The following SRPK2 variants were observed in gnomAD, a reference collection of about 807,000 sequenced individuals.
SRPK2 encodes SRSF protein kinase 2, also known as SFRS protein kinase 2.
SRPK2 carries 21 observed loss-of-function variants against 90.8 expected under a neutral mutation model. That is an observed-to-expected ratio of 0.23 (90% CI 0.16 to 0.33). The LOEUF is 0.33. Ranked by LOEUF, SRPK2 falls within the 10% of genes least tolerant of loss-of-function variation. The probability of loss-of-function intolerance (pLI) is 1.00; values close to 1 mark genes in which losing one functional copy is unlikely to be tolerated. For missense variants in SRPK2, 620 were observed against 869.0 expected (o/e 0.71, Z 3.60); for synonymous variants, 288 against 311.1 (o/e 0.93, Z 0.78).
intron 2 of SRPK2, among the ~76,000 whole-genome samples, chr7:105,331,326 A>AAAAAAAC: frequency 2.1e-5 from 3 of 144,438 alleles, no homozygotes; most frequent in Non-Finnish European, 4.6e-5. Context: ...AAAAAAAAAA[A>AAAAAAAC]AAAAAAAAAA....
intron 2 of SRPK2, among the ~76,000 whole-genome samples, chr7:105,339,692 T>C (rs181654721): frequency 1.6e-4 from 24 of 152,276 alleles, no homozygotes; most frequent in African/African-American, 5.8e-4. Flanking sequence ...AGGATCCTGG[T>C]CCTAATTCAT....
chr7:105,137,872 T>C (rs1803111273), intron 11 of SRPK2, among the ~76,000 whole-genome samples: 1 of 152,164 alleles, frequency 6.6e-6, no homozygotes, highest in Non-Finnish European at 1.5e-5. Context: ...CGAAGTACCG[T>C]GTGGTCAAGT....
intron 2 of SRPK2, among the ~76,000 whole-genome samples, chr7:105,260,178 A>G (rs557137934): frequency 3.3e-5 from 5 of 152,338 alleles, no homozygotes; most frequent in African/African-American, 1.2e-4. Flanking sequence ...AAGAACTTAA[A>G]CCAATTTACA....
chr7:105,182,108 G>T (rs1193744804), intron 3 of SRPK2, among the ~76,000 whole-genome samples: 1 of 151,286 alleles, frequency 6.6e-6, no homozygotes, highest in African/African-American at 2.4e-5. Flanking sequence ...GCAGGCACCT[G>T]TAATCCCAGC....
chr7:105,346,943 T>C (rs921903987), intron 2 of SRPK2, among the ~76,000 whole-genome samples: 9 of 150,242 alleles, frequency 6.0e-5, no homozygotes, highest in Non-Finnish European at 1.0e-4. Flanking sequence ...TCCCTGAAAA[T>C]CAAGGACTTA....
upstream of SRPK2, chr7:105,389,510 G>C: frequency 1.2e-6 from 1 of 861,076 alleles, no homozygotes; most frequent in Non-Finnish European, 1.5e-6. Flanking sequence ...GATTGCATGA[G>C]TTTAATGAAG....
intron 2 of SRPK2, among the ~76,000 whole-genome samples, chr7:105,342,014 A>C (rs1420218439): frequency 6.6e-6 from 1 of 152,022 alleles, no homozygotes; most frequent in Non-Finnish European, 1.5e-5. Context: ...CTGTAATCCC[A>C]GCACTTGGGG....
chr7:105,229,781 C>G (rs1799198319), intron 2 of SRPK2, among the ~76,000 whole-genome samples: 1 of 142,814 alleles, frequency 7.0e-6, no homozygotes, highest in South Asian at 2.2e-4. Flanking sequence ...AGAACTTGCA[C>G]TGCTGTGTTC....
At chr7:105,390,413 G>A (rs1287199940), upstream of SRPK2, among the ~76,000 whole-genome samples, 1 of 151,668 alleles carries the variant, frequency 6.6e-6, no homozygotes, top group Non-Finnish European at 1.5e-5. Context: ...TTGGTTTTGT[G>A]TTTTGGTTTT....
chr7:105,194,489 A>G (rs760330912), intron 3 of SRPK2, among the ~76,000 whole-genome samples: 3 of 152,202 alleles, frequency 2.0e-5, no homozygotes, highest in Non-Finnish European at 2.9e-5. Context: ...ACACTAATAA[A>G]TAAGCAAACA....
At chr7:105,242,530 AAAAAGC>A (rs1211324313) in intron 2 of SRPK2, among the ~76,000 whole-genome samples, 1 of 152,150 alleles carries the variant, frequency 6.6e-6, no homozygotes, top group African/African-American at 2.4e-5. Flanking sequence ...ATAAATAAAT[AAAAAGC>A]AGCTGGAAAT....
intron 6 of SRPK2, among the ~76,000 whole-genome samples, chr7:105,165,005 G>A (rs1789852420): frequency 1.3e-5 from 2 of 152,104 alleles, no homozygotes; most frequent in African/African-American, 2.4e-5. Flanking sequence ...GCCTACTCCA[G>A]GCACACAAAG....
intron 2 of SRPK2, among the ~76,000 whole-genome samples, chr7:105,353,687 C>T (rs1369463244): frequency 6.6e-6 from 1 of 152,046 alleles, no homozygotes; most frequent in African/African-American, 2.4e-5. Flanking sequence ...CCTGAATGCC[C>T]CAAGGTGAGC....
At position 105,126,985 on chromosome 7, in the gene SRPK2, A is replaced by G. The variant is rs778521508; in HGVS notation, c.1822+8T>C. 6 of 1,614,034 alleles carry G rather than the reference A, an allele frequency of 3.7e-6. No individual in the cohort carries two copies. In the South Asian group the frequency reaches 4.4e-5, roughly 12 times the overall value. On this transcript the variant is annotated splice_region_variant and intron_variant, in intron 14 of 15. Transcript: ENST00000393651. ...AGACCGAGGTATTCAGCAGGCACCA[A>G]TACTCACCTTCGTCTCTGGAATAGT... is the stretch of plus-strand genomic sequence containing the variant.
intron 2 of SRPK2, among the ~76,000 whole-genome samples, chr7:105,330,997 T>TA (rs1351378731): frequency 6.6e-6 from 1 of 151,600 alleles, no homozygotes; most frequent in East Asian, 1.9e-4. Flanking sequence ...CTCTGTGTCT[T>TA]AATTAAAAGA....
intron 2 of SRPK2, among the ~76,000 whole-genome samples, chr7:105,300,540 C>A (rs539058551): frequency 6.6e-6 from 1 of 152,260 alleles, no homozygotes; most frequent in Non-Finnish European, 1.5e-5. Flanking sequence ...CACATCTAAG[C>A]TTCATGTCAG....
At chr7:105,178,632 A>G (rs1585070571) in intron 3 of SRPK2, among the ~76,000 whole-genome samples, 1 of 152,254 alleles carries the variant, frequency 6.6e-6, no homozygotes, top group East Asian at 1.9e-4. Context: ...TAGCCTGGGC[A>G]AAAGAGTGAG....
At chr7:105,258,278 G>A (rs897419226) in intron 2 of SRPK2, among the ~76,000 whole-genome samples, 2 of 151,852 alleles carry the variant, frequency 1.3e-5, no homozygotes, top group Non-Finnish European at 2.9e-5. Flanking sequence ...TCAGCCAGGC[G>A]TGGTGGCATG....
chr7:105,380,225 G>A (rs1026249603), intron 2 of SRPK2, among the ~76,000 whole-genome samples: 11 of 152,146 alleles, frequency 7.2e-5, no homozygotes, highest in Admixed American at 1.3e-4. Context: ...TCTATCTCCC[G>A]TGTTCAAGCA....
Sources: allele counts gnomAD v4.1 joint callset (sites outside exome capture counted in the v4.1 genomes callset), GRCh38; gene constraint gnomAD v4.1.1; transcripts MANE v1.5; gene names NCBI Gene and HGNC (gene_info 2026-07-23, HGNC 2026-07-21).